Variants in SNTG1 observed in about 807,000 individuals in gnomAD.
SNTG1 encodes the protein syntrophin gamma 1.
SNTG1 carries 39 observed loss-of-function variants against 74.7 expected under a neutral mutation model. The observed-to-expected ratio is 0.52, with a 90% CI of 0.40 to 0.68. SNTG1 has a LOEUF of 0.68. Among genes scored for constraint, SNTG1 ranks in the 30% least tolerant of loss-of-function variants. The pLI, the probability that SNTG1 is intolerant of heterozygous loss-of-function variation, is 0.00. For missense variants in SNTG1, 685 were observed against 609.5 expected (o/e 1.12, Z -1.30); for synonymous variants, 254 against 217.1 (o/e 1.17, Z -1.49).
intron 17 of SNTG1, among the ~76,000 whole-genome samples, chr8:50,722,452 A>G (rs1440871308): frequency 1.3e-5 from 2 of 152,074 alleles, no homozygotes; most frequent in African/African-American, 4.8e-5. Flanking sequence ...CTGGGATTAC[A>G]GGCGTGAACC....
chr8:49,968,938 G>A (rs1811391651), intron 1 of SNTG1, among the ~76,000 whole-genome samples: 2 of 152,144 alleles, frequency 1.3e-5, no homozygotes, highest in Non-Finnish European at 2.9e-5. Flanking sequence ...ATTTCAGGCT[G>A]CATTTAAAAC....
rs192425080 is a variant in SNTG1, at chr8:50,120,951, C to T, written c.-102-51610C>T. On this transcript the variant is annotated intron_variant, in intron 1 of 18. Coordinates refer to ENST00000642720, the MANE Select transcript of SNTG1 (RefSeq NM_018967.5). Reference sequence around the variant, plus strand: ...TCTGGTTGCCATAACTTCGCATAAACGTATCGTAGGACAATCTGACTTATA... The same window carrying T: ...TCTGGTTGCCATAACTTCGCATAAATGTATCGTAGGACAATCTGACTTATA... Among the ~76,000 whole-genome samples, 85 of 141,878 alleles carry T rather than the reference C, an allele frequency of 6.0e-4. 9 individuals carry two copies. The highest frequency in any genetic ancestry group is 2.0e-3 in the East Asian group (10 of 4,954). 93.1% of individuals were successfully genotyped at this position (141,878 alleles called of 152,430 possible).
At chr8:50,490,223 C>G (rs116901950) in intron 8 of SNTG1, among the ~76,000 whole-genome samples, 1 of 152,110 alleles carries the variant, frequency 6.6e-6, no homozygotes, top group Non-Finnish European at 1.5e-5. Context: ...CAGCTTTGTT[C>G]TTTTTGCTCA....
chr8:50,202,140 A>G (rs1352753459), intron 2 of SNTG1, among the ~76,000 whole-genome samples: 1 of 152,110 alleles, frequency 6.6e-6, no homozygotes, highest in Non-Finnish European at 1.5e-5. Context: ...TATTTGTAAT[A>G]CAGTTAGATT....
chr8:50,388,034 TG>T (rs2092601945), intron 2 of SNTG1, among the ~76,000 whole-genome samples: 3 of 152,176 alleles, frequency 2.0e-5, no homozygotes, highest in African/African-American at 7.2e-5. Context: ...TTTGCTAAGC[TG>T]GGGTTTAATT....
intron 12 of SNTG1, among the ~76,000 whole-genome samples, chr8:50,553,588 G>A (rs1178324941): frequency 6.6e-6 from 1 of 152,132 alleles, no homozygotes; most frequent in African/African-American, 2.4e-5. Context: ...TTAGCATAGA[G>A]ACTGAAGGGA....
At chr8:50,010,779 G>C (rs550280518) in intron 1 of SNTG1, among the ~76,000 whole-genome samples, 19 of 146,844 alleles carry the variant, frequency 1.3e-4, no homozygotes, top group Non-Finnish European at 2.7e-4. Context: ...AAGGACACAG[G>C]CCTCTCTTTT....
chr8:50,794,728 A>T lies in SNTG1; in HGVS notation c.*1899A>T, dbSNP rs1208693976. The T allele has an allele frequency of 2.0e-5, 3 of 151,988 alleles. No individual in the cohort carries two copies. The highest frequency in any genetic ancestry group is 2.1e-4 in the South Asian group (1 of 4,832). The allele number at this position is 151,988 out of a possible 1,614,324, so 9.4% of individuals were successfully genotyped here. ...GAACTTCTGCTTCCAACCAGAGCTGAATCTCAGTGTGCCCCATATTGGGGT... is the reference window on the plus strand; with the variant it reads ...GAACTTCTGCTTCCAACCAGAGCTGTATCTCAGTGTGCCCCATATTGGGGT... On this transcript the variant is annotated 3_prime_UTR_variant, in exon 19 of 19. Coordinates refer to ENST00000642720, the MANE Select transcript of SNTG1 (RefSeq NM_018967.5).
rs144766442 is a variant in SNTG1 at position 50,497,194 on chromosome 8, G to T, written c.364-5584G>T. On this transcript the variant is annotated intron_variant, in intron 8 of 18. Transcript: ENST00000642720. ...CACTTATACTTGAAAAAAACTTTAA[G>T]ATTGAAGCACAAATATAAAGCTTTA... Among the ~76,000 whole-genome samples, 275 of 151,608 alleles carry T rather than the reference G, an allele frequency of 1.8e-3. 2 individuals are homozygous for T. Among genetic ancestry groups the T allele is most frequent in the African/African-American group, 6.1e-3 (253 of 41,346 alleles).
intron 11 of SNTG1, among the ~76,000 whole-genome samples, chr8:50,549,270 C>T (rs901967735): frequency 6.6e-6 from 1 of 152,058 alleles, no homozygotes; most frequent in African/African-American, 2.4e-5. Flanking sequence ...GAAGAAACAG[C>T]TCAGGCCTGC....
At chr8:50,363,102 C>CT (rs1328571945) in intron 2 of SNTG1, among the ~76,000 whole-genome samples, 1 of 152,036 alleles carries the variant, frequency 6.6e-6, no homozygotes, top group African/African-American at 2.4e-5. Context: ...AAATAATGGT[C>CT]TTTTTTTCAA....
chr8:50,044,469 G>A (rs1218009266), intron 1 of SNTG1, among the ~76,000 whole-genome samples: 7 of 152,110 alleles, frequency 4.6e-5, no homozygotes, highest in Non-Finnish European at 8.8e-5. Context: ...GTCTTCTAAT[G>A]GTGAAATTAG....
Position 50,394,252 on chromosome 8 carries a change from C to T in SNTG1, c.14C>T (p.Thr5Ile), listed in dbSNP as rs1214919936. MDFR[T>I]ACEETKTGIC... The stretch of plus-strand genomic sequence containing the variant: ...GTGCCACAGCACATGGATTTCAGAA[C>T]CGCCTGTGAGGAGGTGAGTACAGAG... Residue 5 changes from threonine (T) to isoleucine (I), a missense_variant, in exon 3 of 19, where the codon ACC becomes ATC. Transcript: ENST00000642720. The T allele has an allele frequency of 1.9e-6, 3 of 1,612,954 alleles. No individual in the cohort carries two copies. Among genetic ancestry groups the T allele is most frequent in the East Asian group, 2.2e-5 (1 of 44,828 alleles).
chr8:50,657,966 C>T (rs1048683719), intron 14 of SNTG1, among the ~76,000 whole-genome samples: 3 of 152,034 alleles, frequency 2.0e-5, no homozygotes, highest in Non-Finnish European at 4.4e-5. Context: ...TAGAAATCAT[C>T]AGGTCTAACT....
intron 2 of SNTG1, among the ~76,000 whole-genome samples, chr8:50,203,293 C>A (rs1298484475): frequency 6.6e-6 from 1 of 152,048 alleles, no homozygotes; most frequent in Non-Finnish European, 1.5e-5. Context: ...CCATGCTGAC[C>A]ACTTTTTCCA....
intron 2 of SNTG1, chr8:50,286,503 T>C (rs1394236613): frequency 6.6e-6 from 1 of 152,172 alleles, no homozygotes; most frequent in African/African-American, 2.4e-5. Flanking sequence ...AACATAATGA[T>C]AGTAACCACA....
At chr8:50,102,657 T>A (rs1206774429) in intron 1 of SNTG1, among the ~76,000 whole-genome samples, 1 of 149,632 alleles carries the variant, frequency 6.7e-6, no homozygotes, top group Non-Finnish European at 1.5e-5. Flanking sequence ...TGAATGGTAA[T>A]GCCTAGGTTT....
chr8:50,093,633 C>T (rs891932903), intron 1 of SNTG1, among the ~76,000 whole-genome samples: 17 of 151,918 alleles, frequency 1.1e-4, no homozygotes, highest in African/African-American at 4.1e-4. Context: ...GATGTTATGC[C>T]ATGAAAGAAT....
chr8:50,264,208 A>G (rs1318153341), intron 2 of SNTG1, among the ~76,000 whole-genome samples: 1 of 152,172 alleles, frequency 6.6e-6, no homozygotes, highest in Non-Finnish European at 1.5e-5. Flanking sequence ...ACTACATTAT[A>G]GCTGTAGTCT....
Sources: gnomAD v4.1 joint callset for allele counts (sites outside exome capture counted in the v4.1 genomes callset) on GRCh38, gnomAD v4.1.1 for gene constraint, MANE v1.5 for transcripts, NCBI Gene and HGNC (gene_info 2026-07-23, HGNC 2026-07-21) for gene names.